RAI14: variants seen among roughly 807,000 people sequenced by gnomAD.
RAI14 encodes the protein retinoic acid induced 14.
Under a neutral mutation model 115.4 loss-of-function variants are expected in RAI14, and 45 were observed. That is an observed-to-expected ratio of 0.39 (90% CI 0.31 to 0.50). RAI14 has a LOEUF of 0.50. RAI14 is among the 20% of genes least tolerant of loss of function. RAI14 has a pLI of 0.85. For missense variants in RAI14, 939 were observed against 1,131.2 expected (o/e 0.83, Z 2.44); for synonymous variants, 371 against 415.4 (o/e 0.89, Z 1.30).
Position 34,824,665 on chromosome 5 carries a change from C to T in RAI14, c.2649+174C>T, listed in dbSNP as rs1337858014. Among the ~76,000 whole-genome samples the T allele has an allele frequency of 2.6e-5, 4 of 152,118 alleles. 1 individual carries two copies. Among genetic ancestry groups the T allele is most frequent in the Non-Finnish European group, 2.9e-5 (2 of 68,032 alleles). The stretch of plus-strand genomic sequence containing the variant: ...ATTAAGAATAGTTTGTTGGGTCGGC[C>T]GGACGTGGTGGCTCACGCTTATAAT... On this transcript the variant is annotated intron_variant, in intron 15 of 17. Transcript: ENST00000265109.
intron 2 of RAI14, among the ~76,000 whole-genome samples, chr5:34,711,985 G>C (rs576987183): frequency 2.6e-5 from 4 of 151,808 alleles, no homozygotes; most frequent in East Asian, 1.9e-4. Context: ...GCTTGCTGCC[G>C]TCTTGAACCT....
Position 34,713,687 on chromosome 5 carries a change from C to T in RAI14, c.36+26732C>T, listed in dbSNP as rs146433259. 8.3e-3 allele frequency among the ~76,000 whole-genome samples: 1,270 copies of T among 152,276 alleles called. 10 individuals are homozygous for T. Among genetic ancestry groups the T allele is most frequent in the Middle Eastern group, 0.034 (10 of 294 alleles). ...AAGTATTGGGATTACAGGCGTGAGCCGCCGTACTTGGCTGAGGAGCTTTTT... is the reference window on the plus strand; with the variant it reads ...AAGTATTGGGATTACAGGCGTGAGCTGCCGTACTTGGCTGAGGAGCTTTTT... On this transcript the variant is annotated intron_variant, in intron 2 of 17. Coordinates refer to ENST00000265109, the MANE Select transcript of RAI14 (RefSeq NM_015577.3).
intron 3 of RAI14, among the ~76,000 whole-genome samples, chr5:34,765,670 CCTGA>C (rs1400937976): frequency 2.6e-5 from 4 of 152,172 alleles, no homozygotes; most frequent in Non-Finnish European, 5.9e-5. Context: ...AAATTTGCAG[CCTGA>C]CTATTAGATA....
intron 2 of RAI14, among the ~76,000 whole-genome samples, chr5:34,713,565 T>A (rs1027531688): frequency 5.9e-5 from 9 of 152,272 alleles, no homozygotes; most frequent in East Asian, 1.9e-4. Context: ...TTTAAAAAAA[T>A]TTTAAACATT....
chr5:34,727,925 GAGA>G (rs1294870219), intron 2 of RAI14, among the ~76,000 whole-genome samples: 2 of 152,170 alleles, frequency 1.3e-5, no homozygotes. Flanking sequence ...CTGGAGCTGT[GAGA>G]AGAAGGCCAC....
Position 34,830,959 on chromosome 5 carries a change from AC to A in RAI14, c.*196del. 1.0e-6 allele frequency: 1 copy of A among 962,918 alleles called. No individual in the cohort carries two copies. Among genetic ancestry groups the A allele is most frequent in the Non-Finnish European group, 1.4e-6 (1 of 693,658 alleles). The allele number at this position is 962,918 out of a possible 1,614,324, so 59.6% of individuals were successfully genotyped here. ...CCTCAGAACTGCTTAGAGACTTCAA[AC>A]CAGCAGAGGTGAAAGTCCCTGTCAT... is the stretch of plus-strand genomic sequence containing the variant. On this transcript the variant is annotated 3_prime_UTR_variant, in exon 18 of 18. Transcript: ENST00000265109.
intron 16 of RAI14, among the ~76,000 whole-genome samples, chr5:34,828,252 G>C (rs1757643361): frequency 6.6e-6 from 1 of 152,152 alleles, no homozygotes; most frequent in Admixed American, 6.5e-5. Context: ...AGATTTCAGA[G>C]GTGGTAATGA....
rs1334528922 is a variant in RAI14 at position 34,808,611 on chromosome 5, A to G, written c.407A>G (p.Gln136Arg). The change falls in exon 7 of 18, where the codon CAG (glutamine) becomes CGG (arginine). Residue 136 changes from glutamine to arginine, a missense_variant. By Grantham distance (43) the Gln-to-Arg change is conservative. Transcript: ENST00000265109. ...AAAQGCLQAV[Q>R]ILCEHKSPIN... Reference sequence around the variant, plus strand: ...GCTCAGGGCTGCCTTCAAGCTGTGCAGATTCTCTGCGAACACAAGAGCCCC... The same window carrying G: ...GCTCAGGGCTGCCTTCAAGCTGTGCGGATTCTCTGCGAACACAAGAGCCCC... The G allele has an allele frequency of 1.9e-6, 3 of 1,614,228 alleles. No homozygotes were observed. The Admixed American group carries it at 5.0e-5, about 27-fold the overall frequency.
At chr5:34,808,520 C>T in intron 6 of RAI14, 64 bp from the exon 7 acceptor site, 1 of 1,433,790 alleles carries the variant, frequency 7.0e-7, no homozygotes, top group Non-Finnish European at 9.8e-7. Context: ...CCTGAAGTAT[C>T]TGATACCCCT....
chr5:34,751,430 A>C (rs1747006763), intron 2 of RAI14, among the ~76,000 whole-genome samples: 1 of 152,156 alleles, frequency 6.6e-6, no homozygotes. Context: ...GGTGTGAGCC[A>C]CCTCACCCAG....
intron 3 of RAI14, among the ~76,000 whole-genome samples, chr5:34,794,604 C>T (rs368727080): frequency 1.2e-4 from 18 of 152,088 alleles, no homozygotes; most frequent in South Asian, 4.2e-4. Context: ...AATAATTAAA[C>T]GTTAGAGCCA....
chr5:34,764,568 TCTCA>T (rs1434099225), intron 3 of RAI14, among the ~76,000 whole-genome samples: 39 of 136,632 alleles, frequency 2.9e-4, no homozygotes, highest in Non-Finnish European at 5.1e-4. Flanking sequence ...TCTCTCTCTC[TCTCA>T]CACACAAATA....
At chr5:34,659,220 G>C (rs1257473936) in intron 1 of RAI14, 1 of 152,152 alleles carries the variant, frequency 6.6e-6, no homozygotes, top group Non-Finnish European at 1.5e-5. Flanking sequence ...TATGAAAAAA[G>C]TATAGTATAT....
intron 1 of RAI14, among the ~76,000 whole-genome samples, chr5:34,681,257 T>C (rs1487130770): frequency 6.6e-6 from 1 of 152,228 alleles, no homozygotes; most frequent in Non-Finnish European, 1.5e-5. Context: ...GAGAGATTAT[T>C]GTCTGAAGAA....
At chr5:34,701,124 G>T (rs915193528) in intron 2 of RAI14, among the ~76,000 whole-genome samples, 1 of 152,166 alleles carries the variant, frequency 6.6e-6, no homozygotes, top group African/African-American at 2.4e-5. Flanking sequence ...AAATTCCTAT[G>T]TAGGGGGTCT....
intron 5 of RAI14, 105 bp downstream of exon 5, chr5:34,803,881 T>G: frequency 1.0e-6 from 1 of 993,408 alleles, no homozygotes; most frequent in Non-Finnish European, 1.5e-6. Flanking sequence ...CTCCTTTAAA[T>G]ACTGTCCCCA....
At chr5:34,799,652 GAATTT>G (rs968161149) in intron 4 of RAI14, among the ~76,000 whole-genome samples, 5 of 147,078 alleles carry the variant, frequency 3.4e-5, no homozygotes, top group Non-Finnish European at 7.5e-5. Context: ...ACTTTTGACT[GAATTT>G]AAGTTATAGA....
chr5:34,793,842 A>AG (rs1164708782), intron 3 of RAI14, among the ~76,000 whole-genome samples: 2 of 152,188 alleles, frequency 1.3e-5, no homozygotes, highest in Non-Finnish European at 1.5e-5. Context: ...AATATTAATC[A>AG]ATTTTAGGGC....
chr5:34,774,520 CAAATA>C (rs1750598386), intron 3 of RAI14, among the ~76,000 whole-genome samples: 1 of 151,952 alleles, frequency 6.6e-6, no homozygotes, highest in African/African-American at 2.4e-5. Flanking sequence ...ACACTAGCCA[CAAATA>C]AAATAAAATA....
Sources: allele counts gnomAD v4.1 joint callset (sites outside exome capture counted in the v4.1 genomes callset), GRCh38; gene constraint gnomAD v4.1.1; transcripts MANE v1.5; gene names NCBI Gene and HGNC (gene_info 2026-07-23, HGNC 2026-07-21).